Variants in GPR101 observed in about 807,000 individuals in gnomAD.
GPR101 encodes G protein-coupled receptor 101.
In GPR101, 8 loss-of-function variants were observed where a neutral mutation model predicts 16.4. The ratio of observed to expected loss-of-function variants is 0.49; its 90% CI spans 0.29 to 0.88. The LOEUF is 0.88. Among genes scored for constraint, GPR101 ranks in the 40% least tolerant of loss-of-function variants. The probability of loss-of-function intolerance (pLI) is 0.09; values close to 1 mark genes in which losing one functional copy is unlikely to be tolerated. For missense variants in GPR101, 375 were observed against 411.7 expected (o/e 0.91, Z 0.77); for synonymous variants, 155 against 168.7 (o/e 0.92, Z 0.63).
At chrX:137,033,499 C>T (rs1392972509) in intron 1 of GPR101, among the ~76,000 whole-genome samples, 1 of 107,392 alleles carries the variant, frequency 9.3e-6, no homozygotes, top group African/African-American at 3.4e-5. Flanking sequence ...CTGGGAGAGA[C>T]GCAGACAGAA....
In GPR101 at chrX:137,030,460, AATG is replaced by A. The variant is rs1214316400; in HGVS notation, c.1212_1214del (p.Ile405del). ...GCCCCAGGGATAGCACATAGGAGAA[AATG>A]ATGATGAAGATCACTTTAGCAGCTT... On this transcript the variant is annotated inframe_deletion, in exon 2 of 2. Coordinates refer to ENST00000651716, the MANE Select transcript of GPR101 (RefSeq NM_054021.2). 2.5e-6 allele frequency: 3 copies of A among 1,211,276 alleles called. No individual in the cohort carries two copies. The highest frequency in any genetic ancestry group is 1.8e-5 in the South Asian group (1 of 56,894).
rs1272511143 is a variant in GPR101 at position 137,027,792 on chromosome X, A to C, written c.*2356T>G. ...CAGGTTCTGGTTCCATTTTGATTTG[A>C]GATTTTGGCAAACAATTTTCTCTGA... On this transcript the variant is annotated 3_prime_UTR_variant, in exon 2 of 2. Coordinates refer to ENST00000651716, the MANE Select transcript of GPR101 (RefSeq NM_054021.2). Among the ~76,000 whole-genome samples, 4 of 112,734 alleles carry C rather than the reference A, an allele frequency of 3.5e-5. No homozygotes were observed. The highest frequency in any genetic ancestry group is 7.5e-5 in the Non-Finnish European group (4 of 53,326).
Position 137,030,302 on chromosome X carries a change from T to G in GPR101, c.1373A>C (p.His458Pro). 8.3e-7 allele frequency: 1 copy of G among 1,211,392 alleles called. No individual in the cohort carries two copies. Among genetic ancestry groups the G allele is most frequent in the Non-Finnish European group, 1.1e-6 (1 of 895,384 alleles). The change falls in exon 2 of 2, where the codon CAC becomes CCC. Residue 458 changes from histidine (H) to proline (P), a missense_variant. Coordinates refer to ENST00000651716, the MANE Select transcript of GPR101 (RefSeq NM_054021.2). ...CTGGATTTCCTTCTTAATGGTCTTGTGCATGTAGCCATAGACATAGGGGTG... is the reference window on the plus strand; with the variant it reads ...CTGGATTTCCTTCTTAATGGTCTTGGGCATGTAGCCATAGACATAGGGGTG... ...CIHPYVYGYMHKTIKKEIQDM... is the reference protein window; with the variant it reads ...CIHPYVYGYMPKTIKKEIQDM...
In GPR101 at chrX:137,026,439, G is replaced by C. The variant is rs1927169659; in HGVS notation, c.*3709C>G. Among the ~76,000 whole-genome samples the C allele has an allele frequency of 1.8e-5, 2 of 111,557 alleles. No homozygotes were observed. The highest frequency in any genetic ancestry group is 1.9e-4 in the Admixed American group (2 of 10,484). On this transcript the variant is annotated 3_prime_UTR_variant, in exon 2 of 2. Coordinates refer to ENST00000651716, the MANE Select transcript of GPR101 (RefSeq NM_054021.2). ...TGATGTGTTTCAGACACTTTTAAAA[G>C]CTTTTTTGGCAAAGTCTAAGTAAGC...
At position 137,031,527 on chromosome X, in the gene GPR101, T is replaced by C. The variant is rs1409971158; in HGVS notation, c.148A>G (p.Ile50Val). 1.7e-6 allele frequency: 2 copies of C among 1,209,735 alleles called. No individual in the cohort carries two copies. The highest frequency in any genetic ancestry group is 3.5e-5 in the African/African-American group (2 of 57,355). Reference protein sequence around the residue: ...IFLAASFVGNIVLALVLQRKP... With the variant: ...IFLAASFVGNVVLALVLQRKP... Reference sequence around the variant, plus strand: ...CGCTGCAACACTAGCGCCAGCACTATGTTGCCGACGAAAGAGGCGGCGAGG... The same window carrying C: ...CGCTGCAACACTAGCGCCAGCACTACGTTGCCGACGAAAGAGGCGGCGAGG... Residue 50 changes from isoleucine (I) to valine (V), a missense_variant, in exon 2 of 2, where the codon ATA becomes GTA. Transcript: ENST00000651716.
rs928017692 is a variant in GPR101 at position 137,024,951 on chromosome X, G to A, written c.*5197C>T. The stretch of plus-strand genomic sequence containing the variant: ...CCTTCCTTTTTAATGGAGAAGGATG[G>A]TCTTCTTTGAGTTTGCATTCTATAT... On this transcript the variant is annotated 3_prime_UTR_variant, in exon 2 of 2. Transcript: ENST00000651716. Among the ~76,000 whole-genome samples, 12 of 111,615 alleles carry A rather than the reference G, an allele frequency of 1.1e-4. No individual in the cohort carries two copies. The highest frequency in any genetic ancestry group is 2.1e-4 in the Non-Finnish European group (11 of 53,102).
Position 137,031,270 on chromosome X carries a change from G to T in GPR101, c.405C>A (p.His135Gln), listed in dbSNP as rs1465174781. 1 of 1,211,420 alleles carries T rather than the reference G, an allele frequency of 8.3e-7. No individual in the cohort carries two copies. The highest frequency in any genetic ancestry group is 1.1e-6 in the Non-Finnish European group (1 of 895,383). ...TCATCTTGGACGGGTAGGAGAGAGG[G>T]TGGATGATGGACAAGTAGCGATCCA... The part of the protein sequence containing the change: ...VSVDRYLSII[H>Q]PLSYPSKMTQ... Residue 135 changes from histidine to glutamine, a missense_variant, in exon 2 of 2, where the codon CAC becomes CAA. His to Gln is a conservative substitution (Grantham distance 24). Transcript: ENST00000651716.
Position 137,025,985 on chromosome X carries a change from A to G in GPR101, c.*4163T>C, listed in dbSNP as rs1927162887. Among the ~76,000 whole-genome samples the G allele has an allele frequency of 8.9e-6, 1 of 112,386 alleles. No homozygotes were observed. The highest frequency in any genetic ancestry group is 3.7e-4 in the South Asian group (1 of 2,720). Reference sequence around the variant, plus strand: ...TCCAGCTCATTGCTTCTGTCTCCTCATGCCTTAGCTTAGAGGGGCTTTGAG... The same window carrying G: ...TCCAGCTCATTGCTTCTGTCTCCTCGTGCCTTAGCTTAGAGGGGCTTTGAG... On this transcript the variant is annotated 3_prime_UTR_variant, in exon 2 of 2. Coordinates refer to ENST00000651716, the MANE Select transcript of GPR101 (RefSeq NM_054021.2).
At position 137,031,165 on chromosome X, in the gene GPR101, C is replaced by T. The variant is rs1927256372; in HGVS notation, c.510G>A (p.Trp170Ter). 4 of 1,211,670 alleles carry T rather than the reference C, an allele frequency of 3.3e-6. No homozygotes were observed. The highest frequency in any genetic ancestry group is 4.5e-6 in the Non-Finnish European group (4 of 895,402). The change falls in exon 2 of 2, where the codon TGG becomes TGA. Residue 170 changes from tryptophan (W) to a stop codon, truncating the protein, a stop_gained. Transcript: ENST00000651716. LOFTEE classifies it high-confidence loss of function. ...ILQSTPPLYG[W>*]GQAAFDERNA... is the part of the protein sequence containing the mutation. ...TGCGCTCATCAAAGGCAGCCTGGCC[C>T]CAGCCGTAGAGTGGAGGAGTGCTCT... is the stretch of plus-strand genomic sequence containing the variant.
In GPR101 at chrX:137,027,747, A is replaced by G. The variant is rs745775650; in HGVS notation, c.*2401T>C. 8.9e-6 allele frequency among the ~76,000 whole-genome samples: 1 copy of G among 112,643 alleles called. No individual in the cohort carries two copies. Among genetic ancestry groups the G allele is most frequent in the Non-Finnish European group, 1.9e-5 (1 of 53,320 alleles). ...TTGAGAATGTTGTGTGTGCTGTTAA[A>G]TGGACTTACCATACTTGTACAGGTT... On this transcript the variant is annotated 3_prime_UTR_variant, in exon 2 of 2. Transcript: ENST00000651716.
rs1439215138 is a variant in GPR101, at chrX:137,028,022, T to C, written c.*2126A>G. On this transcript the variant is annotated 3_prime_UTR_variant, in exon 2 of 2. Coordinates refer to ENST00000651716, the MANE Select transcript of GPR101 (RefSeq NM_054021.2). Reference sequence around the variant, plus strand: ...CTCCCCTGTAGGAGGATTGATCACATAGGCCATTTCTTCACCCAGATATCC... The same window carrying C: ...CTCCCCTGTAGGAGGATTGATCACACAGGCCATTTCTTCACCCAGATATCC... 1.8e-5 allele frequency among the ~76,000 whole-genome samples: 2 copies of C among 112,310 alleles called. No homozygotes were observed. Among genetic ancestry groups the C allele is most frequent in the Non-Finnish European group, 3.8e-5 (2 of 53,251 alleles).
Position 137,026,852 on chromosome X carries a change from G to T in GPR101, c.*3296C>A, listed in dbSNP as rs892740608. 2.9e-4 allele frequency among the ~76,000 whole-genome samples: 32 copies of T among 110,951 alleles called. No homozygotes were observed. Among genetic ancestry groups the T allele is most frequent in the African/African-American group, 1.1e-3 (32 of 30,416 alleles). On this transcript the variant is annotated 3_prime_UTR_variant, in exon 2 of 2. Coordinates refer to ENST00000651716, the MANE Select transcript of GPR101 (RefSeq NM_054021.2). ...CTATGGCTCACTTCTCTCCTTCCCT[G>T]CTTCCATAGGCCCCCAGGTCCCTGT...
Position 137,030,698 on chromosome X carries a change from T to G in GPR101, c.977A>C (p.Lys326Thr). 1 of 1,211,422 alleles carries G rather than the reference T, an allele frequency of 8.3e-7. No homozygotes were observed. ...GSMEGKEGST[K>T]VEENSMKADK... is the part of the protein sequence containing the mutation. ...TGCCTTCATGCTGTTCTCCTCAACT[T>G]TGGTGCTGCCTTCCTTACCCTCCAT... The change falls in exon 2 of 2, where the codon AAA becomes ACA. Residue 326 changes from lysine (K) to threonine (T), a missense_variant. Transcript: ENST00000651716.
At position 137,030,077 on chromosome X, in the gene GPR101, G is replaced by C. The variant is rs1239623754; in HGVS notation, c.*71C>G. ...TATGGTTTGGCATTAATGAATTGTG[G>C]GTCCATTGAAAAGAAATCTCCTCTT... On this transcript the variant is annotated 3_prime_UTR_variant, in exon 2 of 2. Coordinates refer to ENST00000651716, the MANE Select transcript of GPR101 (RefSeq NM_054021.2). 2 of 943,403 alleles carry C rather than the reference G, an allele frequency of 2.1e-6. No individual in the cohort carries two copies. Among genetic ancestry groups the C allele is most frequent in the Non-Finnish European group, 2.9e-6 (2 of 687,053 alleles). 77.7% of individuals were successfully genotyped at this position (943,403 alleles called of 1,213,427 possible).
Position 137,031,084 on chromosome X carries a change from C to G in GPR101, c.591G>C (p.Val197=). The stretch of plus-strand genomic sequence containing the variant: ...TCAGTGGAATGACGATGAAGGACAC[C>G]ACGCTGAGAATAGTGTAGCTGGGGC... ...GASPSYTILS[V]VSFIVIPLIV... Residue 197 remains valine, a synonymous_variant, in exon 2 of 2, where the codon GTG becomes GTC. Coordinates refer to ENST00000651716, the MANE Select transcript of GPR101 (RefSeq NM_054021.2). The G allele has an allele frequency of 3.3e-6, 4 of 1,211,950 alleles. No homozygotes were observed. The Admixed American group carries it at 6.5e-5, about 20-fold the overall frequency.
intron 1 of GPR101, among the ~76,000 whole-genome samples, chrX:137,032,866 T>C (rs1927294596): frequency 9.0e-6 from 1 of 110,742 alleles, no homozygotes; most frequent in African/African-American, 3.3e-5. Flanking sequence ...CTCTCGTTGG[T>C]TTCTCTGTCC....
chrX:137,031,784 A>G lies in GPR101; in HGVS notation c.-92-18T>C, dbSNP rs1927272902. ...TGCCTATGCTGGTGACAAAAGAAAC[A>G]CGCAGGCAGAGTTAGTCACCCGTCA... On this transcript the variant is annotated intron_variant, in intron 1 of 1. Transcript: ENST00000651716. 1 of 634,164 alleles carries G rather than the reference A, an allele frequency of 1.6e-6. No individual in the cohort carries two copies. Among genetic ancestry groups the G allele is most frequent in the Non-Finnish European group, 2.3e-6 (1 of 431,193 alleles). 52.3% of individuals were successfully genotyped at this position (634,164 alleles called of 1,213,427 possible). A position where few individuals can be genotyped will look rare whatever the true frequency, so the allele number is the denominator to read the frequency against.
At chrX:137,031,805 C>G (rs1327404605) in intron 1 of GPR101, 39 bp from the exon 2 acceptor site, 3 of 553,569 alleles carry the variant, frequency 5.4e-6, no homozygotes, top group Admixed American at 8.8e-5. Flanking sequence ...GTTAGTCACC[C>G]GTCAAGGGGA....
chrX:137,024,977 A>C lies in GPR101; in HGVS notation c.*5171T>G, dbSNP rs774421412. Among the ~76,000 whole-genome samples, 2 of 111,814 alleles carry C rather than the reference A, an allele frequency of 1.8e-5. No individual in the cohort carries two copies. Among genetic ancestry groups the C allele is most frequent in the South Asian group, 7.6e-4 (2 of 2,646 alleles). Reference sequence around the variant, plus strand: ...TCTTCTTTGAGTTTGCATTCTATATATTCAGTGAATAGAAAACAGGCACAC... The same window carrying C: ...TCTTCTTTGAGTTTGCATTCTATATCTTCAGTGAATAGAAAACAGGCACAC... On this transcript the variant is annotated 3_prime_UTR_variant, in exon 2 of 2. Transcript: ENST00000651716.
Sources: allele counts gnomAD v4.1 joint callset (sites outside exome capture counted in the v4.1 genomes callset), GRCh38; gene constraint gnomAD v4.1.1; transcripts MANE v1.5; gene names NCBI Gene and HGNC (gene_info 2026-07-23, HGNC 2026-07-21).